Variants in CACNA2D3 observed in about 807,000 individuals in gnomAD.
The protein encoded by CACNA2D3 is voltage-dependent calcium channel subunit alpha-2/delta-3.
Under a neutral mutation model 160.6 loss-of-function variants are expected in CACNA2D3, and 60 were observed. That is an observed-to-expected ratio of 0.37 (90% CI 0.30 to 0.46). CACNA2D3 has a LOEUF of 0.46. Among genes scored for constraint, CACNA2D3 ranks in the 20% least tolerant of loss-of-function variants. The pLI, the probability that CACNA2D3 is intolerant of heterozygous loss-of-function variation, is 1.00. For missense variants in CACNA2D3, 1,205 were observed against 1,365.0 expected (o/e 0.88, Z 1.85); for synonymous variants, 558 against 492.9 (o/e 1.13, Z -1.75).
intron 11 of CACNA2D3, among the ~76,000 whole-genome samples, chr3:54,749,681 G>T (rs1374321866): frequency 6.6e-6 from 1 of 152,188 alleles, no homozygotes; most frequent in Non-Finnish European, 1.5e-5. Context: ...AGAGATGTAG[G>T]ACGTGAACCC....
intron 3 of CACNA2D3, among the ~76,000 whole-genome samples, chr3:54,380,932 TCCAAGTTA>T (rs1412530881): frequency 6.6e-6 from 1 of 152,176 alleles, no homozygotes; most frequent in Non-Finnish European, 1.5e-5. Context: ...AATAACTAAC[TCCAAGTTA>T]ACCCTTCGTG....
chr3:54,866,844 G>A (rs529399949), intron 17 of CACNA2D3, among the ~76,000 whole-genome samples: 51 of 152,264 alleles, frequency 3.3e-4, no homozygotes, highest in Admixed American at 5.9e-4. Flanking sequence ...GTGCCCTCTC[G>A]TCCCATCCTG....
chr3:54,551,173 G>A (rs991192467), intron 5 of CACNA2D3, among the ~76,000 whole-genome samples: 1 of 151,822 alleles, frequency 6.6e-6, no homozygotes, highest in Admixed American at 6.5e-5. Flanking sequence ...CAGGCACTTA[G>A]ACTTCTTTTG....
At chr3:55,053,646 T>C (rs1346127760) in intron 35 of CACNA2D3, among the ~76,000 whole-genome samples, 1 of 152,030 alleles carries the variant, frequency 6.6e-6, no homozygotes, top group Admixed American at 6.5e-5. Context: ...TCCTGCATCC[T>C]TTCTAAGCTT....
intron 9 of CACNA2D3, among the ~76,000 whole-genome samples, chr3:54,606,025 T>C (rs1698603884): frequency 6.6e-6 from 1 of 152,198 alleles, no homozygotes; most frequent in African/African-American, 2.4e-5. Flanking sequence ...GTAGCTTAGA[T>C]TAACTATTCT....
chr3:54,553,081 C>G (rs1702186180), intron 5 of CACNA2D3, among the ~76,000 whole-genome samples: 1 of 152,176 alleles, frequency 6.6e-6, no homozygotes, highest in Admixed American at 6.5e-5. Context: ...CCTTGTCCCT[C>G]TGGTCCCAGG....
intron 11 of CACNA2D3, among the ~76,000 whole-genome samples, chr3:54,673,370 G>T (rs1012645116): frequency 6.6e-6 from 1 of 152,194 alleles, no homozygotes; most frequent in Admixed American, 6.5e-5. Flanking sequence ...AGCACCTTTA[G>T]TGTGCTTGAA....
intron 4 of CACNA2D3, among the ~76,000 whole-genome samples, chr3:54,463,004 T>G (rs10865987): frequency 0.6 from 89,818 of 149,404 alleles, 27,309 homozygotes; most frequent in Middle Eastern, 0.7. Context: ...TTGCTTGTCT[T>G]TAAAGTATTT....
At chr3:54,141,887 C>T (rs138557492) in intron 2 of CACNA2D3, among the ~76,000 whole-genome samples, 6 of 152,328 alleles carry the variant, frequency 3.9e-5, no homozygotes, top group Non-Finnish European at 7.4e-5. Flanking sequence ...AGGTATCATG[C>T]CGGCTCTTGG....
chr3:54,689,010 A>AAAAG (rs1553785965), intron 11 of CACNA2D3, among the ~76,000 whole-genome samples: 12 of 85,490 alleles, frequency 1.4e-4, no homozygotes, highest in East Asian at 8.2e-4. Flanking sequence ...AAAAAAAAAA[A>AAAAG]AGAATGAGGT....
intron 4 of CACNA2D3, among the ~76,000 whole-genome samples, chr3:54,491,994 G>A (rs1264410018): frequency 6.6e-6 from 1 of 152,126 alleles, no homozygotes; most frequent in African/African-American, 2.4e-5. Flanking sequence ...GGGAGGGCAC[G>A]CAAACATAGC....
intron 11 of CACNA2D3, among the ~76,000 whole-genome samples, chr3:54,665,827 A>C (rs1010346559): frequency 3.4e-5 from 5 of 147,736 alleles, no homozygotes; most frequent in Non-Finnish European, 7.4e-5. Context: ...TTGCTCTGCC[A>C]CCCAGGTTCC....
intron 9 of CACNA2D3, among the ~76,000 whole-genome samples, chr3:54,625,348 G>A (rs1699074556): frequency 6.6e-6 from 1 of 152,228 alleles, no homozygotes; most frequent in Admixed American, 6.5e-5. Flanking sequence ...AAGAAGAAGG[G>A]CATTAGAGTA....
intron 2 of CACNA2D3, among the ~76,000 whole-genome samples, chr3:54,191,133 A>G (rs1700973307): frequency 6.6e-6 from 1 of 151,888 alleles, no homozygotes; most frequent in Admixed American, 6.6e-5. Context: ...GTTTTGAAGA[A>G]CTCGTATGAG....
At chr3:54,885,209 A>G in intron 21 of CACNA2D3, 72 bp from the exon 22 acceptor site, 3 of 1,536,390 alleles carry the variant, frequency 2.0e-6, no homozygotes, top group Non-Finnish European at 9.0e-7. Flanking sequence ...GCCCTACCCT[A>G]GAATATTTGA....
At chr3:54,911,351 C>CTTTTTTTT (rs58289082) in intron 27 of CACNA2D3, among the ~76,000 whole-genome samples, 6,255 of 58,420 alleles carry the variant, frequency 0.11, 1,030 homozygotes, top group African/African-American at 0.12. Context: ...TCTTTGTCGT[C>CTTTTTTTT]TTTTTTTTTT....
At chr3:54,426,091 A>C (rs1699908440) in intron 4 of CACNA2D3, among the ~76,000 whole-genome samples, 1 of 152,124 alleles carries the variant, frequency 6.6e-6, no homozygotes. Context: ...TGTCCTGGAG[A>C]ATTTTTCAGA....
At chr3:55,000,983 A>C (rs548214855) in intron 31 of CACNA2D3, among the ~76,000 whole-genome samples, 2 of 152,176 alleles carry the variant, frequency 1.3e-5, no homozygotes, top group East Asian at 3.9e-4. Context: ...CCAATGATCT[A>C]TGTGAACTTG....
At chr3:54,291,349 T>C (rs1186548216) in intron 2 of CACNA2D3, among the ~76,000 whole-genome samples, 1 of 152,208 alleles carries the variant, frequency 6.6e-6, no homozygotes, top group Non-Finnish European at 1.5e-5. Context: ...GGCATGTCCA[T>C]ATGTAAATAT....
Sources: gnomAD v4.1 joint callset for allele counts (sites outside exome capture counted in the v4.1 genomes callset) on GRCh38, gnomAD v4.1.1 for gene constraint, MANE v1.5 for transcripts, NCBI Gene and HGNC (gene_info 2026-07-23, HGNC 2026-07-21) for gene names.